CAMK1D: variants seen among roughly 807,000 people sequenced by gnomAD.
The protein encoded by CAMK1D is calcium/calmodulin-dependent protein kinase type 1D.
CAMK1D carries 9 observed loss-of-function variants against 47.7 expected under a neutral mutation model. The observed-to-expected ratio is 0.19, with a 90% CI of 0.11 to 0.33. The LOEUF (loss-of-function observed/expected upper bound fraction) is 0.33. Among genes scored for constraint, CAMK1D ranks in the 10% least tolerant of loss-of-function variants. The pLI, the probability that CAMK1D is intolerant of heterozygous loss-of-function variation, is 1.00. For synonymous variants in CAMK1D, 184 were observed against 184.9 expected (o/e 0.99, Z 0.04); for missense variants, 291 against 488.7 (o/e 0.60, Z 3.81).
In CAMK1D at chr10:12,493,596, C is replaced by T. The variant is rs191414478; in HGVS notation, c.93-59629C>T. Among the ~76,000 whole-genome samples, 847 of 152,182 alleles carry T rather than the reference C, an allele frequency of 5.6e-3. 4 individuals carry two copies. The highest frequency in any genetic ancestry group is 0.014 in the Middle Eastern group (4 of 294). On this transcript the variant is annotated intron_variant, in intron 1 of 10. Coordinates refer to ENST00000619168, the MANE Select transcript of CAMK1D (RefSeq NM_153498.4). ...GTGACCTCCACTTCCTGGGTTCAAGCGATTCTGCTCCCTCAGCCTCTCGAG... is the reference window on the plus strand; with the variant it reads ...GTGACCTCCACTTCCTGGGTTCAAGTGATTCTGCTCCCTCAGCCTCTCGAG...
intron 1 of CAMK1D, among the ~76,000 whole-genome samples, chr10:12,531,007 A>G (rs1232438623): frequency 1.3e-5 from 2 of 151,952 alleles, no homozygotes; most frequent in Non-Finnish European, 2.9e-5. Flanking sequence ...GCAGTGAGCC[A>G]AGATTGTGCC....
At position 12,642,063 on chromosome 10, in the gene CAMK1D, G is replaced by GA. The variant is rs1339177409; in HGVS notation, c.225-24670dup. 1.4e-3 allele frequency among the ~76,000 whole-genome samples: 210 copies of GA among 145,482 alleles called. 2 individuals carry two copies. The highest frequency in any genetic ancestry group is 2.6e-3 in the African/African-American group (101 of 39,250). ...TTTCTCAGAATAAAAAAAAAAAAAA[G>GA]AAAGAAAAGGCCGCAGGCTTTTGCT... On this transcript the variant is annotated intron_variant, in intron 2 of 10. Coordinates refer to ENST00000619168, the MANE Select transcript of CAMK1D (RefSeq NM_153498.4).
intron 1 of CAMK1D, among the ~76,000 whole-genome samples, chr10:12,488,230 C>T (rs762280291): frequency 2.0e-5 from 3 of 152,056 alleles, no homozygotes; most frequent in South Asian, 2.1e-4. Context: ...CCCCTGAAAT[C>T]GCAGAGGTGG....
chr10:12,621,688 G>A (rs1839002532), intron 2 of CAMK1D, among the ~76,000 whole-genome samples: 1 of 152,072 alleles, frequency 6.6e-6, no homozygotes, highest in Non-Finnish European at 1.5e-5. Context: ...ATTGTAAATG[G>A]CTTTTTAAAT....
At chr10:12,589,870 G>C (rs1473905013) in intron 2 of CAMK1D, among the ~76,000 whole-genome samples, 1 of 152,188 alleles carries the variant, frequency 6.6e-6, no homozygotes, top group Non-Finnish European at 1.5e-5. Flanking sequence ...ATACAGAGTT[G>C]CTGATATTCT....
At chr10:12,582,530 T>C (rs564782726) in intron 2 of CAMK1D, among the ~76,000 whole-genome samples, 74 of 152,344 alleles carry the variant, frequency 4.9e-4, no homozygotes, top group Non-Finnish European at 7.9e-4. Flanking sequence ...CATTTGTTTG[T>C]GTCATCTACG....
At position 12,367,082 on chromosome 10, in the gene CAMK1D, C is replaced by T. The variant is rs186896412; in HGVS notation, c.92+17172C>T. Among the ~76,000 whole-genome samples, 335 of 152,190 alleles carry T rather than the reference C, an allele frequency of 2.2e-3. 4 individuals are homozygous for T. The highest frequency in any genetic ancestry group is 3.4e-3 in the Middle Eastern group (1 of 294). ...ATCCTGTCGCCAAGATGAGACCTGA[C>T]GCCACAGACTTCCAGAGAGCTAATT... On this transcript the variant is annotated intron_variant, in intron 1 of 10. Coordinates refer to ENST00000619168, the MANE Select transcript of CAMK1D (RefSeq NM_153498.4).
chr10:12,803,422 C>G (rs1315122018), intron 6 of CAMK1D, among the ~76,000 whole-genome samples: 4 of 152,192 alleles, frequency 2.6e-5, no homozygotes, highest in African/African-American at 9.6e-5. Flanking sequence ...TGGCTCACAC[C>G]TGTAATCCCA....
chr10:12,480,360 G>A (rs1205908058), intron 1 of CAMK1D, among the ~76,000 whole-genome samples: 2 of 151,434 alleles, frequency 1.3e-5, no homozygotes, highest in African/African-American at 2.4e-5. Flanking sequence ...ACTGGAACCC[G>A]GGAGGCGGAG....
chr10:12,531,398 G>A (rs1164562704), intron 1 of CAMK1D, among the ~76,000 whole-genome samples: 1 of 152,214 alleles, frequency 6.6e-6, no homozygotes, highest in Non-Finnish European at 1.5e-5. Flanking sequence ...CCAGGGGCAC[G>A]TGGAAATTAC....
chr10:12,427,784 C>T (rs1030297781), intron 1 of CAMK1D, among the ~76,000 whole-genome samples: 14 of 133,162 alleles, frequency 1.1e-4, no homozygotes, highest in South Asian at 7.4e-4. Context: ...CTTGGCTCAC[C>T]GCAACCTTTT....
At chr10:12,603,003 C>T (rs772602564) in intron 2 of CAMK1D, among the ~76,000 whole-genome samples, 9 of 151,450 alleles carry the variant, frequency 5.9e-5, no homozygotes, top group African/African-American at 2.4e-5. Flanking sequence ...CTCTGCCTCC[C>T]GAGTTCAAGT....
At chr10:12,689,978 A>G (rs1832811613) in intron 3 of CAMK1D, among the ~76,000 whole-genome samples, 1 of 152,198 alleles carries the variant, frequency 6.6e-6, no homozygotes, top group South Asian at 2.1e-4. Flanking sequence ...GAGGGCTGTC[A>G]TGTACAGAGA....
chr10:12,523,293 T>C (rs34592511), intron 1 of CAMK1D, among the ~76,000 whole-genome samples: 80,160 of 147,308 alleles, frequency 0.54, 21,817 homozygotes, highest in South Asian at 0.68. Context: ...TCCTCACTTC[T>C]CAGACGATGG....
chr10:12,352,716 C>T (rs757117017), intron 1 of CAMK1D, among the ~76,000 whole-genome samples: 6 of 150,182 alleles, frequency 4.0e-5, no homozygotes, highest in East Asian at 3.9e-4. Context: ...TTTGGATTGT[C>T]GTCCTTTTGC....
At chr10:12,393,083 G>A (rs540607335) in intron 1 of CAMK1D, among the ~76,000 whole-genome samples, 3 of 150,930 alleles carry the variant, frequency 2.0e-5, no homozygotes, top group Admixed American at 1.3e-4. Flanking sequence ...CCAGGCTGGA[G>A]TGCAGTGGTG....
At chr10:12,795,707 G>A (rs763199597) in intron 6 of CAMK1D, among the ~76,000 whole-genome samples, 7 of 152,100 alleles carry the variant, frequency 4.6e-5, no homozygotes, top group African/African-American at 1.2e-4. Flanking sequence ...GCTGGTGTGC[G>A]CCCTTGATAA....
chr10:12,377,448 G>C (rs948026063), intron 1 of CAMK1D, among the ~76,000 whole-genome samples: 1 of 152,206 alleles, frequency 6.6e-6, no homozygotes, highest in Admixed American at 6.5e-5. Flanking sequence ...TGAGTGAGCA[G>C]AACAGATATT....
Position 12,829,177 on chromosome 10 carries a change from C to T in CAMK1D, c.*290C>T. Reference sequence around the variant, plus strand: ...CCTTCTTATTCCTCTCCCCTAACACCATCGTTTCCACTCTTCTCAGTGTAG... The same window carrying T: ...CCTTCTTATTCCTCTCCCCTAACACTATCGTTTCCACTCTTCTCAGTGTAG... On this transcript the variant is annotated 3_prime_UTR_variant, in exon 11 of 11. Transcript: ENST00000619168. 3.6e-6 allele frequency: 1 copy of T among 279,046 alleles called. No homozygotes were observed. The highest frequency in any genetic ancestry group is 2.2e-5 in the African/African-American group (1 of 45,142). The allele number at this position is 279,046 out of a possible 1,614,324, so 17.3% of individuals were successfully genotyped here.
Sources: gnomAD v4.1 joint callset for allele counts (sites outside exome capture counted in the v4.1 genomes callset) on GRCh38, gnomAD v4.1.1 for gene constraint, MANE v1.5 for transcripts, NCBI Gene and HGNC (gene_info 2026-07-23, HGNC 2026-07-21) for gene names.